Variants in KCNQ1 observed in about 807,000 individuals in gnomAD.
The protein encoded by KCNQ1 is potassium voltage-gated channel subfamily Q member 1.
A neutral mutation model predicts 72.4 loss-of-function variants in KCNQ1; 49 were observed. The observed-to-expected ratio is 0.68, with a 90% CI of 0.54 to 0.86. The LOEUF (loss-of-function observed/expected upper bound fraction) is 0.86. Among genes scored for constraint, KCNQ1 ranks in the 40% least tolerant of loss-of-function variants. The pLI is 0.00. For missense variants in KCNQ1, 790 were observed against 945.1 expected, an observed-to-expected ratio of 0.84 and a Z score of 2.15; for synonymous variants, 450 against 412.6, an observed-to-expected ratio of 1.09 and a Z score of -1.10.
In KCNQ1 at chr11:2,710,002, A is replaced by G. The variant is rs1321667032; in HGVS notation, c.1514+47921A>G. Among the ~76,000 whole-genome samples, 1 of 152,226 alleles carries G rather than the reference A, an allele frequency of 6.6e-6. No homozygotes were observed. Among genetic ancestry groups the G allele is most frequent in the Non-Finnish European group, 1.5e-5 (1 of 68,042 alleles). ...ATTTTCATTTTTCTTGAGTATTCAC[A>G]GAGGAGTAGAAACGCTGGGTCATAT... On this transcript the variant is annotated intron_variant, in intron 11 of 15. Transcript: ENST00000155840. The surrounding 1 kb of genome is among the most constrained non-coding windows in gnomAD (Gnocchi z 4.1).
chr11:2,742,787 A>C (rs1482742811), intron 11 of KCNQ1, among the ~76,000 whole-genome samples: 1 of 152,136 alleles, frequency 6.6e-6, no homozygotes, highest in Admixed American at 6.5e-5. Context: ...CCTCCTCTGC[A>C]CGGCTGCTGA....
At position 2,587,687 on chromosome 11, in the gene KCNQ1, G is replaced by A. The variant is rs777546418; in HGVS notation, c.1246G>A (p.Val416Met). ...LSPSPKPKKS[V>M]VVKKKKFKLD... is the part of the protein sequence containing the mutation. Reference sequence around the variant, plus strand: ...ACCCAGCCCCAAACCCAAGAAGTCTGTGGTGGTGAGTAGCCCACCTGCCAC... The same window carrying A: ...ACCCAGCCCCAAACCCAAGAAGTCTATGGTGGTGAGTAGCCCACCTGCCAC... Residue 416 changes from valine to methionine, a missense_variant, in exon 9 of 16, where the codon GTG (valine) becomes ATG (methionine). Coordinates refer to ENST00000155840, the MANE Select transcript of KCNQ1 (RefSeq NM_000218.3). 5.0e-6 allele frequency: 8 copies of A among 1,613,604 alleles called. No homozygotes were observed. The highest frequency in any genetic ancestry group is 1.1e-5 in the South Asian group (1 of 91,090).
At position 2,445,482 on chromosome 11, in the gene KCNQ1, C is replaced by T; in HGVS notation, c.384C>T (p.Ala128=). The change falls in exon 1 of 16, where the codon GCC becomes GCT. Residue 128 remains alanine, a splice_region_variant and synonymous_variant. Coordinates refer to ENST00000155840, the MANE Select transcript of KCNQ1 (RefSeq NM_000218.3). ...TGWKCFVYHF[A]VFLIVLVCLI... ...GGAAATGCTTCGTTTACCACTTCGC[C>T]GTGTGAGTATCGCCACCGGCGACGG... The T allele has an allele frequency of 3.8e-6, 6 of 1,594,608 alleles. No homozygotes were observed. The highest frequency in any genetic ancestry group is 5.1e-6 in the Non-Finnish European group (6 of 1,178,612).
At position 2,588,877 on chromosome 11, in the gene KCNQ1, G is replaced by C. The variant is rs766302522; in HGVS notation, c.1393+23G>C. The C allele has an allele frequency of 1.9e-6, 3 of 1,609,864 alleles. No homozygotes were observed. The highest frequency in any genetic ancestry group is 1.1e-5 in the South Asian group (1 of 90,814). On this transcript the variant is annotated intron_variant, in intron 10 of 15. Transcript: ENST00000155840. The surrounding 1 kb of genome is among the most constrained non-coding windows in gnomAD (Gnocchi z 5.6). The stretch of plus-strand genomic sequence containing the variant: ...CTGGTGAGAACCCCTCAGGCAGTTG[G>C]GGGCCGCGGGGCCGGGAAGGTCACT...
chr11:2,607,706 G>T (rs1331063195), intron 10 of KCNQ1, among the ~76,000 whole-genome samples: 1 of 152,216 alleles, frequency 6.6e-6, no homozygotes. Context: ...TGAACAGACT[G>T]ACAGAAATCG....
rs1050988274 is a variant in KCNQ1, at chr11:2,826,622, G to A, written c.1795-21145G>A. 6.6e-6 allele frequency among the ~76,000 whole-genome samples: 1 copy of A among 152,242 alleles called. No individual in the cohort carries two copies. Among genetic ancestry groups the A allele is most frequent in the African/African-American group, 2.4e-5 (1 of 41,468 alleles). On this transcript the variant is annotated intron_variant, in intron 15 of 15. Transcript: ENST00000155840. The surrounding 1 kb of genome is among the most constrained non-coding windows in gnomAD (Gnocchi z 4.2). ...GCCCTGGATTGGCTGTGGCACAAGAGGGCTGGCCCAGCACACCCAGCCCAC... is the reference window on the plus strand; with the variant it reads ...GCCCTGGATTGGCTGTGGCACAAGAAGGCTGGCCCAGCACACCCAGCCCAC...
chr11:2,628,151 C>T (rs767041026), intron 10 of KCNQ1: 4 of 398,328 alleles, frequency 1.0e-5, no homozygotes, highest in South Asian at 1.3e-4. Context: ...TAGATATACC[C>T]GGAACTGAGA....
intron 10 of KCNQ1, chr11:2,610,964 T>C (rs1848971602): frequency 2.5e-6 from 1 of 398,182 alleles, no homozygotes; most frequent in South Asian, 1.3e-4. Flanking sequence ...AGACAGAAAA[T>C]CAACAAGAGT....
intron 15 of KCNQ1, among the ~76,000 whole-genome samples, chr11:2,778,735 C>G (rs779042104): frequency 6.6e-6 from 1 of 152,250 alleles, no homozygotes; most frequent in Non-Finnish European, 1.5e-5. Flanking sequence ...ACAGCAAGTC[C>G]GTCTACATGG....
chr11:2,609,973 C>T (rs1316758477), intron 10 of KCNQ1: 4 of 397,736 alleles, frequency 1.0e-5, no homozygotes, highest in African/African-American at 8.2e-5. Context: ...CTGATAATTC[C>T]TGCCTTTGAT....
At chr11:2,843,309 C>T (rs1050241206) in intron 15 of KCNQ1, among the ~76,000 whole-genome samples, 1 of 152,266 alleles carries the variant, frequency 6.6e-6, no homozygotes, top group African/African-American at 2.4e-5. Flanking sequence ...GGTCTGACAT[C>T]CGATTGCTCA....
chr11:2,710,374 TA>T lies in KCNQ1; in HGVS notation c.1514+48294del, dbSNP rs1157851811. Among the ~76,000 whole-genome samples, 1 of 152,224 alleles carries T rather than the reference TA, an allele frequency of 6.6e-6. No individual in the cohort carries two copies. Among genetic ancestry groups the T allele is most frequent in the African/African-American group, 2.4e-5 (1 of 41,456 alleles). On this transcript the variant is annotated intron_variant, in intron 11 of 15. Transcript: ENST00000155840. This position sits in a 1 kb window ranked among gnomAD's most constrained non-coding sequence, Gnocchi z 4.1. ...CTTTATAGTCTAGATATAAGTTTTTTATATTCTAGATTCAAGTTCCTTATCA... is the reference window on the plus strand; with the variant it reads ...CTTTATAGTCTAGATATAAGTTTTTTTATTCTAGATTCAAGTTCCTTATCA...
intron 2 of KCNQ1, among the ~76,000 whole-genome samples, chr11:2,554,655 C>A (rs1190201921): frequency 6.6e-6 from 1 of 152,218 alleles, no homozygotes; most frequent in Non-Finnish European, 1.5e-5. Context: ...TTCTCTGTTT[C>A]CTTCCAGCTT....
rs1228805202 is a variant in KCNQ1 at position 2,651,329 on chromosome 11, C to T, written c.1394-10632C>T. On this transcript the variant is annotated intron_variant, in intron 10 of 15. Coordinates refer to ENST00000155840, the MANE Select transcript of KCNQ1 (RefSeq NM_000218.3). The surrounding 1 kb of genome is among the most constrained non-coding windows in gnomAD (Gnocchi z 6.1). ...GCTGCACAGAACACTCCTCAGAGTTCTACAAGCGGCTGAGAGAGCTGGGGT... is the reference window on the plus strand; with the variant it reads ...GCTGCACAGAACACTCCTCAGAGTTTTACAAGCGGCTGAGAGAGCTGGGGT... 1 of 398,724 alleles carries T rather than the reference C, an allele frequency of 2.5e-6. No individual in the cohort carries two copies. The highest frequency in any genetic ancestry group is 2.1e-5 in the African/African-American group (1 of 48,772). 24.7% of individuals were successfully genotyped at this position (398,724 alleles called of 1,614,324 possible). A position where few individuals can be genotyped will look rare whatever the true frequency, so the allele number is the denominator to read the frequency against.
In KCNQ1 at chr11:2,668,326, T is replaced by C. The variant is rs979654060; in HGVS notation, c.1514+6245T>C. On this transcript the variant is annotated intron_variant, in intron 11 of 15. Coordinates refer to ENST00000155840, the MANE Select transcript of KCNQ1 (RefSeq NM_000218.3). This position sits in a 1 kb window ranked among gnomAD's most constrained non-coding sequence, Gnocchi z 4.3. ...CGTTTCTGGGGAATATATGCCTATG[T>C]GTGGAGCTGCAGGGTCCTGGGTGGG... 5.0e-6 allele frequency: 2 copies of C among 398,658 alleles called. No homozygotes were observed. 24.7% of individuals were successfully genotyped at this position (398,658 alleles called of 1,614,324 possible). A position where few individuals can be genotyped will look rare whatever the true frequency, so the allele number is the denominator to read the frequency against.
Position 2,471,418 on chromosome 11 carries a change from C to T in KCNQ1, c.386+25934C>T, listed in dbSNP as rs1236896071. On this transcript the variant is annotated intron_variant, in intron 1 of 15. Coordinates refer to ENST00000155840, the MANE Select transcript of KCNQ1 (RefSeq NM_000218.3). This position sits in a 1 kb window ranked among gnomAD's most constrained non-coding sequence, Gnocchi z 4.8. The stretch of plus-strand genomic sequence containing the variant: ...CAGCAACGCCACAGCCTCTGACACT[C>T]CACGGCACTAAAGTGTCAAGAGACC... 6.6e-6 allele frequency among the ~76,000 whole-genome samples: 1 copy of T among 152,212 alleles called. No homozygotes were observed. The highest frequency in any genetic ancestry group is 1.5e-5 in the Non-Finnish European group (1 of 68,044).
In KCNQ1 at chr11:2,783,427, T is replaced by C. The variant is rs925609505; in HGVS notation, c.1794+5390T>C. ...GAAAACAAGGTATATTCTGACATTG[T>C]TGGGTGCAGTGTTATGTTCATATCC... On this transcript the variant is annotated intron_variant, in intron 15 of 15. Transcript: ENST00000155840. The surrounding 1 kb of genome is among the most constrained non-coding windows in gnomAD (Gnocchi z 5.2). Among the ~76,000 whole-genome samples the C allele has an allele frequency of 6.6e-6, 1 of 152,086 alleles. No homozygotes were observed. Among genetic ancestry groups the C allele is most frequent in the African/African-American group, 2.4e-5 (1 of 41,444 alleles).
At chr11:2,765,443 T>G (rs1846479870) in intron 11 of KCNQ1, among the ~76,000 whole-genome samples, 1 of 152,242 alleles carries the variant, frequency 6.6e-6, no homozygotes, top group Non-Finnish European at 1.5e-5. Context: ...ATGTTCTGTG[T>G]GCACTAGGGA....
chr11:2,615,126 A>C (rs975675682), intron 10 of KCNQ1: 3 of 398,094 alleles, frequency 7.5e-6, no homozygotes, highest in Admixed American at 8.8e-5. Flanking sequence ...GTTTTAATTT[A>C]TTCCTAGCTA....
Sources: gnomAD v4.1 joint callset for allele counts (sites outside exome capture counted in the v4.1 genomes callset) on GRCh38, gnomAD v4.1.1 for gene constraint, Gnocchi (gnomAD v3.1) non-coding constraint, MANE v1.5 for transcripts, NCBI Gene and HGNC (gene_info 2026-07-23, HGNC 2026-07-21) for gene names.